The following DNAJC5B variants were observed in gnomAD, a reference collection of about 807,000 sequenced individuals.
DNAJC5B encodes the protein DnaJ heat shock protein family (Hsp40) member C5 beta.
A neutral mutation model predicts 24.7 loss-of-function variants in DNAJC5B; 23 were observed. The ratio of observed to expected loss-of-function variants is 0.93; its 90% CI spans 0.67 to 1.32. The LOEUF (loss-of-function observed/expected upper bound fraction) is 1.32, where lower values mean the gene tolerates loss of function less well. DNAJC5B is among the 40% of genes most tolerant of loss of function. The probability of loss-of-function intolerance (pLI) is 0.00; values close to 1 mark genes in which losing one functional copy is unlikely to be tolerated. For missense variants in DNAJC5B, 238 were observed against 240.8 expected (o/e 0.99, Z 0.08); for synonymous variants, 101 against 90.1 (o/e 1.12, Z -0.68).
intron 3 of DNAJC5B, among the ~76,000 whole-genome samples, chr8:66,066,749 TA>T (rs1213327101): frequency 1.3e-5 from 2 of 151,972 alleles, no homozygotes; most frequent in Non-Finnish European, 2.9e-5. Context: ...GGGTGAAGGA[TA>T]AAAAACTACA....
intron 2 of DNAJC5B, among the ~76,000 whole-genome samples, chr8:66,045,668 G>A (rs1337705314): frequency 6.6e-6 from 1 of 152,110 alleles, no homozygotes; most frequent in East Asian, 1.9e-4. Flanking sequence ...TCTGGAAGGG[G>A]CTGGGAGCAG....
chr8:66,032,326 G>A (rs1806377152), intron 1 of DNAJC5B, among the ~76,000 whole-genome samples: 1 of 152,266 alleles, frequency 6.6e-6, no homozygotes, highest in African/African-American at 2.4e-5. Context: ...CTGAACATGT[G>A]GGACCTGAGT....
chr8:66,044,064 C>T (rs966506145), intron 2 of DNAJC5B, among the ~76,000 whole-genome samples: 1 of 152,130 alleles, frequency 6.6e-6, no homozygotes, highest in Non-Finnish European at 1.5e-5. Context: ...CTCAGGTGAT[C>T]TACCCGCATT....
intron 3 of DNAJC5B, among the ~76,000 whole-genome samples, chr8:66,056,275 G>A (rs760843583): frequency 4.6e-5 from 7 of 152,082 alleles, no homozygotes; most frequent in Non-Finnish European, 5.9e-5. Context: ...AACAACATTA[G>A]ACAAGCCCCA....
intron 3 of DNAJC5B, among the ~76,000 whole-genome samples, chr8:66,072,040 G>A (rs1807362014): frequency 6.7e-6 from 1 of 148,890 alleles, no homozygotes; most frequent in Non-Finnish European, 1.5e-5. Context: ...CACACAGTGG[G>A]GCCTGTCAGG....
intron 3 of DNAJC5B, among the ~76,000 whole-genome samples, chr8:66,062,226 C>G (rs1807099261): frequency 6.6e-6 from 1 of 152,242 alleles, no homozygotes. Context: ...ATTATAGTCT[C>G]AGCTTCTTCA....
At chr8:66,020,122 A>T (rs1479784598), upstream of DNAJC5B, among the ~76,000 whole-genome samples, 8 of 152,242 alleles carry the variant, frequency 5.3e-5, no homozygotes, top group African/African-American at 1.9e-4. Flanking sequence ...GTGGTGGGGA[A>T]AAGGCTTGGT....
rs567978646 is a variant in DNAJC5B at position 66,090,618 on chromosome 8, C to T, written c.506-9319C>T. On this transcript the variant is annotated intron_variant, in intron 5 of 5. Transcript: ENST00000276570. ...ACTGCTTAACTGTTCTTGCCACTCA[C>T]CTGGATAAAACCCAAATACATTCAC... Among the ~76,000 whole-genome samples, 11 of 152,228 alleles carry T rather than the reference C, an allele frequency of 7.2e-5. No homozygotes were observed. In the South Asian group the frequency reaches 2.3e-3, roughly 32 times the overall value.
rs548285346 is a variant in DNAJC5B, at chr8:66,068,942, G to A, written c.120-7718G>A. Among the ~76,000 whole-genome samples, 9 of 152,128 alleles carry A rather than the reference G, an allele frequency of 5.9e-5. No individual in the cohort carries two copies. In the East Asian group the frequency reaches 1.7e-3, roughly 29 times the overall value. On this transcript the variant is annotated intron_variant, in intron 3 of 5. Transcript: ENST00000276570. ...GACAGAGGACAAAAGTCTTCAATAT[G>A]GTGAAAGAAGGTAACTGATAACCTA...
At chr8:66,063,617 ACT>A (rs1807129604) in intron 3 of DNAJC5B, among the ~76,000 whole-genome samples, 1 of 152,130 alleles carries the variant, frequency 6.6e-6, no homozygotes, top group Non-Finnish European at 1.5e-5. Context: ...CAAGTCTTTC[ACT>A]TGATCGAACC....
At chr8:66,077,032 T>G (rs2128963902) in intron 4 of DNAJC5B, among the ~76,000 whole-genome samples, 159 bp downstream of exon 4, 1 of 152,358 alleles carries the variant, frequency 6.6e-6, no homozygotes, top group East Asian at 1.9e-4. Flanking sequence ...TAGGATCATT[T>G]CTGGTTTAGC....
chr8:66,075,958 C>T (rs1024455219), intron 3 of DNAJC5B, among the ~76,000 whole-genome samples: 7 of 152,176 alleles, frequency 4.6e-5, no homozygotes, highest in African/African-American at 1.7e-4. Flanking sequence ...ATGATAGGCA[C>T]AGTAGGGAGA....
the DNAJC5B span, among the ~76,000 whole-genome samples, chr8:66,015,456 G>C: frequency 6.6e-6 from 1 of 152,052 alleles, no homozygotes; most frequent in South Asian, 2.1e-4. Context: ...TTAAGTAGCT[G>C]TGTTGGGGAG....
intron 3 of DNAJC5B, among the ~76,000 whole-genome samples, chr8:66,054,030 G>T (rs1806911924): frequency 7.0e-6 from 1 of 143,146 alleles, no homozygotes; most frequent in Admixed American, 7.1e-5. Flanking sequence ...CGGTTATTTT[G>T]TAATTTATTT....
intron 2 of DNAJC5B, among the ~76,000 whole-genome samples, chr8:66,047,872 C>A (rs1806757150): frequency 6.6e-6 from 1 of 152,136 alleles, no homozygotes; most frequent in Admixed American, 6.5e-5. Flanking sequence ...TAAATGTAGC[C>A]TTCCTGGTAT....
chr8:66,068,556 CAAGA>C (rs953355235), intron 3 of DNAJC5B, among the ~76,000 whole-genome samples: 8 of 150,872 alleles, frequency 5.3e-5, no homozygotes, highest in South Asian at 4.2e-4. Flanking sequence ...GTTTCATTAA[CAAGA>C]AAGAATTACA....
intron 2 of DNAJC5B, among the ~76,000 whole-genome samples, chr8:66,051,058 T>A (rs183972754): frequency 2.0e-5 from 3 of 152,390 alleles, no homozygotes; most frequent in African/African-American, 7.2e-5. Flanking sequence ...ACAGATTTCT[T>A]GAACTTATTC....
chr8:66,068,907 G>GA (rs1336286255), intron 3 of DNAJC5B, among the ~76,000 whole-genome samples: 1 of 152,098 alleles, frequency 6.6e-6, no homozygotes, highest in African/African-American at 2.4e-5. Context: ...CAAGGTAACA[G>GA]AAGCCAGAAG....
intron 3 of DNAJC5B, among the ~76,000 whole-genome samples, chr8:66,061,639 G>A (rs57810032): frequency 0.02 from 3,011 of 151,970 alleles, 103 homozygotes; most frequent in African/African-American, 0.068. Context: ...GTGTGTGCGC[G>A]TGTATAAGGG....
Sources: gnomAD v4.1 joint callset for allele counts (sites outside exome capture counted in the v4.1 genomes callset) on GRCh38, gnomAD v4.1.1 for gene constraint, MANE v1.5 for transcripts, NCBI Gene and HGNC (gene_info 2026-07-23, HGNC 2026-07-21) for gene names.